The following RCSD1 variants were observed in gnomAD, a reference collection of about 807,000 sequenced individuals.
RCSD1 encodes the protein RCSD domain containing 1, also known as capZ-interacting protein.
A neutral mutation model predicts 42.5 loss-of-function variants in RCSD1; 26 were observed. The ratio of observed to expected loss-of-function variants is 0.61; its 90% CI spans 0.45 to 0.85. The LOEUF is 0.85. RCSD1 is among the 40% of genes least tolerant of loss of function. RCSD1 has a pLI of 0.00. For missense variants in RCSD1, 571 were observed against 528.3 expected, an observed-to-expected ratio of 1.08 and a Z score of -0.79; for synonymous variants, 220 against 212.2, an observed-to-expected ratio of 1.04 and a Z score of -0.32.
At chr1:167,689,613 T>C (rs1659325913) in intron 3 of RCSD1, among the ~76,000 whole-genome samples, 1 of 152,192 alleles carries the variant, frequency 6.6e-6, no homozygotes, top group African/African-American at 2.4e-5. Context: ...GGAATTCCAG[T>C]CATACCTCTG....
At chr1:167,687,320 T>C (rs2102233883) in intron 3 of RCSD1, among the ~76,000 whole-genome samples, 1 of 152,040 alleles carries the variant, frequency 6.6e-6, no homozygotes, top group African/African-American at 2.4e-5. Context: ...GTCAGGAGAT[T>C]GAGACCATCC....
Position 167,708,420 on chromosome 1 carries a change from G to A in RCSD1, c.*3724G>A, listed in dbSNP as rs760962536. Among the ~76,000 whole-genome samples, 59 of 152,150 alleles carry A rather than the reference G, an allele frequency of 3.9e-4. No homozygotes were observed. The highest frequency in any genetic ancestry group is 1.3e-3 in the African/African-American group (54 of 41,434). On this transcript the variant is annotated 3_prime_UTR_variant, in exon 7 of 7. Transcript: ENST00000367854. ...GTCAAGTTTTTGCTCGATGGACCAC[G>A]TGAAAAAAGGATAAACAATGTCTCT... is the stretch of plus-strand genomic sequence containing the variant.
intron 3 of RCSD1, among the ~76,000 whole-genome samples, chr1:167,689,583 A>G (rs1659325123): frequency 6.6e-6 from 1 of 152,192 alleles, no homozygotes; most frequent in Non-Finnish European, 1.5e-5. Flanking sequence ...GATTTTCCAA[A>G]ATATCACTGG....
intron 5 of RCSD1, among the ~76,000 whole-genome samples, chr1:167,695,130 G>A (rs542336607): frequency 1.3e-5 from 2 of 152,386 alleles, no homozygotes; most frequent in African/African-American, 4.8e-5. Flanking sequence ...TAAACTAGTG[G>A]TAAGGAGGGG....
At chr1:167,646,607 T>G (rs1028785552) in intron 1 of RCSD1, among the ~76,000 whole-genome samples, 2 of 152,182 alleles carry the variant, frequency 1.3e-5, no homozygotes, top group African/African-American at 4.8e-5. Flanking sequence ...GGTGGTTTGC[T>G]GCATCTATCA....
chr1:167,665,617 C>T (rs180941213), intron 1 of RCSD1, among the ~76,000 whole-genome samples: 17 of 152,246 alleles, frequency 1.1e-4, no homozygotes, highest in African/African-American at 4.1e-4. Flanking sequence ...TGCAGCTTCA[C>T]CGTCATTTGG....
chr1:167,659,108 G>A (rs1457274741), intron 1 of RCSD1, among the ~76,000 whole-genome samples: 1 of 152,110 alleles, frequency 6.6e-6, no homozygotes, highest in African/African-American at 2.4e-5. Flanking sequence ...CATCTGATAA[G>A]CATAAAAAGA....
Position 167,652,314 on chromosome 1 carries a change from G to A in RCSD1, c.6+21885G>A, listed in dbSNP as rs116700077. Among the ~76,000 whole-genome samples the A allele has an allele frequency of 7.7e-3, 1,170 of 152,246 alleles. 9 individuals are homozygous for A. Among genetic ancestry groups the A allele is most frequent in the Non-Finnish European group, 0.012 (788 of 68,006 alleles). On this transcript the variant is annotated intron_variant, in intron 1 of 6. Coordinates refer to ENST00000367854, the MANE Select transcript of RCSD1 (RefSeq NM_052862.4). ...TGGGATTACAGGCGTGAGCCACCAC[G>A]CTTGGCCTCTGTTCACTTTTCATTC...
At position 167,707,507 on chromosome 1, in the gene RCSD1, T is replaced by C. The variant is rs534927310; in HGVS notation, c.*2811T>C. Among the ~76,000 whole-genome samples the C allele has an allele frequency of 4.5e-4, 68 of 152,272 alleles. No homozygotes were observed. The highest frequency in any genetic ancestry group is 1.5e-3 in the African/African-American group (64 of 41,558). On this transcript the variant is annotated 3_prime_UTR_variant, in exon 7 of 7. Coordinates refer to ENST00000367854, the MANE Select transcript of RCSD1 (RefSeq NM_052862.4). ...CTCATAGAACTGAAAAAAACAAACC[T>C]AAATACAGTCACCCAAGTGATGTCA...
intron 6 of RCSD1, among the ~76,000 whole-genome samples, chr1:167,702,739 A>G (rs931060227): frequency 1.3e-5 from 2 of 152,222 alleles, no homozygotes; most frequent in African/African-American, 4.8e-5. Flanking sequence ...AGATCGAGCC[A>G]CTTCACTCTG....
intron 1 of RCSD1, among the ~76,000 whole-genome samples, chr1:167,636,740 C>T (rs1657866304): frequency 6.6e-6 from 1 of 152,172 alleles, no homozygotes; most frequent in Non-Finnish European, 1.5e-5. Flanking sequence ...GCATGCACCA[C>T]CACACTCGGC....
At chr1:167,662,455 C>A (rs140925987) in intron 1 of RCSD1, among the ~76,000 whole-genome samples, 2 of 151,990 alleles carry the variant, frequency 1.3e-5, no homozygotes, top group Admixed American at 6.6e-5. Flanking sequence ...TTCTTCTCCC[C>A]GTTCACAATT....
intron 1 of RCSD1, among the ~76,000 whole-genome samples, chr1:167,648,683 C>T (rs1456945411): frequency 6.7e-6 from 1 of 148,778 alleles, no homozygotes; most frequent in African/African-American, 2.4e-5. Flanking sequence ...GGGGAAGTTA[C>T]ATACCAGTGA....
intron 1 of RCSD1, among the ~76,000 whole-genome samples, chr1:167,666,050 G>T (rs762044643): frequency 6.6e-6 from 1 of 152,226 alleles, no homozygotes; most frequent in Non-Finnish European, 1.5e-5. Flanking sequence ...GGCCTTAAGT[G>T]ATAGGCCTGC....
intron 3 of RCSD1, among the ~76,000 whole-genome samples, chr1:167,689,597 C>T (rs1453652416): frequency 6.6e-6 from 1 of 151,878 alleles, no homozygotes; most frequent in African/African-American, 2.4e-5. Context: ...TCACTGGGTC[C>T]AGGGAGGAAT....
intron 1 of RCSD1, among the ~76,000 whole-genome samples, chr1:167,670,275 T>C (rs1658770483): frequency 6.6e-6 from 1 of 151,266 alleles, no homozygotes; most frequent in Admixed American, 6.6e-5. Context: ...ATTTACTTGT[T>C]GGCTTAGGTG....
At chr1:167,649,793 C>G (rs558540426) in intron 1 of RCSD1, among the ~76,000 whole-genome samples, 1 of 152,264 alleles carries the variant, frequency 6.6e-6, no homozygotes, top group East Asian at 1.9e-4. Flanking sequence ...GAGAGGACAG[C>G]ATTGTTCCAA....
At chr1:167,632,333 A>G (rs920161017) in intron 1 of RCSD1, among the ~76,000 whole-genome samples, 5 of 152,212 alleles carry the variant, frequency 3.3e-5, no homozygotes, top group African/African-American at 1.2e-4. Flanking sequence ...GAGATAAGAG[A>G]AAAGCAACTC....
rs1439430477 is a variant in RCSD1 at position 167,706,702 on chromosome 1, AG to A, written c.*2008del. On this transcript the variant is annotated 3_prime_UTR_variant, in exon 7 of 7. Transcript: ENST00000367854. Reference sequence around the variant, plus strand: ...TTGGTGTATTTTGTGAAAAAAATAGAGGCCCCATTCCCAGGGCTTGTTCATT... The same window carrying A: ...TTGGTGTATTTTGTGAAAAAAATAGAGCCCCATTCCCAGGGCTTGTTCATT... Among the ~76,000 whole-genome samples, 2 of 152,124 alleles carry A rather than the reference AG, an allele frequency of 1.3e-5. No individual in the cohort carries two copies. The highest frequency in any genetic ancestry group is 4.8e-5 in the African/African-American group (2 of 41,424).
Sources: gnomAD v4.1 joint callset for allele counts (sites outside exome capture counted in the v4.1 genomes callset) on GRCh38, gnomAD v4.1.1 for gene constraint, MANE v1.5 for transcripts, NCBI Gene and HGNC (gene_info 2026-07-23, HGNC 2026-07-21) for gene names.